The following COL5A1 variants were observed in gnomAD, a reference collection of about 807,000 sequenced individuals.
COL5A1 encodes collagen alpha-1(V) chain.
COL5A1 carries 16 observed loss-of-function variants against 263.7 expected under a neutral mutation model. That is an observed-to-expected ratio of 0.06 (90% CI 0.04 to 0.09). The LOEUF (loss-of-function observed/expected upper bound fraction) is 0.09. Among genes scored for constraint, COL5A1 ranks in the 10% least tolerant of loss-of-function variants. The pLI, the probability that COL5A1 is intolerant of heterozygous loss-of-function variation, is 1.00. For synonymous variants in COL5A1, 1,012 were observed against 1,004.5 expected, an observed-to-expected ratio of 1.01 and a Z score of -0.14; for missense variants, 2,036 against 2,540.5, an observed-to-expected ratio of 0.80 and a Z score of 4.27.
intron 47 of COL5A1, 46 bp downstream of exon 47, chr9:134,812,548 T>C (rs757754428): frequency 6.2e-6 from 10 of 1,612,674 alleles, no homozygotes; most frequent in Middle Eastern, 1.6e-4. Context: ...TAGCGGCTCA[T>C]GTTTTGGGGA....
intron 4 of COL5A1, among the ~76,000 whole-genome samples, chr9:134,709,569 G>C (rs7852238): frequency 0.72 from 110,225 of 152,128 alleles, 40,191 homozygotes; most frequent in Admixed American, 0.8. Flanking sequence ...CTGGTGATCT[G>C]TGTGGCACCC....
chr9:134,714,086 T>G (rs1318958556), intron 4 of COL5A1, among the ~76,000 whole-genome samples: 5 of 152,158 alleles, frequency 3.3e-5, no homozygotes, highest in Non-Finnish European at 7.3e-5. Flanking sequence ...GAGACCCAGA[T>G]TTTTTTCATC....
chr9:134,789,140 T>C lies in COL5A1; in HGVS notation c.2647-15T>C, dbSNP rs199795504. 1.9e-6 allele frequency: 3 copies of C among 1,612,566 alleles called. No homozygotes were observed. Among genetic ancestry groups the C allele is most frequent in the Admixed American group, 3.3e-5 (2 of 59,998 alleles). On this transcript the variant is annotated splice_polypyrimidine_tract_variant and intron_variant, in intron 31 of 65. Coordinates refer to ENST00000371817, the MANE Select transcript of COL5A1 (RefSeq NM_000093.5). This position sits in a 1 kb window ranked among gnomAD's most constrained non-coding sequence, Gnocchi z 4.8. Reference sequence around the variant, plus strand: ...TGGCCCAGCTCTGATGCCTCCTCCTTAAACTCTCTTTCAGGGCTCTATTGG... The same window carrying C: ...TGGCCCAGCTCTGATGCCTCCTCCTCAAACTCTCTTTCAGGGCTCTATTGG...
At chr9:134,831,512 A>T (rs1445601274) in intron 64 of COL5A1, among the ~76,000 whole-genome samples, 2 of 152,170 alleles carry the variant, frequency 1.3e-5, no homozygotes, top group African/African-American at 4.8e-5. Context: ...GCCCGGGACC[A>T]GGGCTGCTTG....
Position 134,750,777 on chromosome 9 carries a change from C to G in COL5A1, c.1570-13C>G. ...TCACTGCTCCCAGAGTGACCCTTGT[C>G]TTACACTTGCAGTTCCGGTTTGGAG... On this transcript the variant is annotated splice_polypyrimidine_tract_variant and intron_variant, in intron 12 of 65. Coordinates refer to ENST00000371817, the MANE Select transcript of COL5A1 (RefSeq NM_000093.5). 6 of 1,613,222 alleles carry G rather than the reference C, an allele frequency of 3.7e-6. No individual in the cohort carries two copies. Among genetic ancestry groups the G allele is most frequent in the Non-Finnish European group, 5.1e-6 (6 of 1,179,910 alleles).
intron 4 of COL5A1, among the ~76,000 whole-genome samples, chr9:134,706,069 TC>T (rs1389676998): frequency 2.6e-5 from 4 of 152,242 alleles, no homozygotes; most frequent in South Asian, 2.1e-4. Context: ...TGGCAGGAGA[TC>T]CCCCTGGCAT....
At chr9:134,761,596 C>G (rs962030287) in intron 18 of COL5A1, among the ~76,000 whole-genome samples, 3 of 152,188 alleles carry the variant, frequency 2.0e-5, no homozygotes, top group African/African-American at 7.2e-5. Context: ...GCTGCTTCAC[C>G]TGGAGCACTT....
chr9:134,831,499 A>AG (rs1180264333), intron 64 of COL5A1, among the ~76,000 whole-genome samples: 1 of 152,118 alleles, frequency 6.6e-6, no homozygotes. Context: ...GGGGACAGGG[A>AG]GGGCCCGGGA....
At chr9:134,766,214 G>T (rs1265615828) in intron 21 of COL5A1, among the ~76,000 whole-genome samples, 4 of 152,176 alleles carry the variant, frequency 2.6e-5, no homozygotes, top group African/African-American at 9.7e-5. Flanking sequence ...CCTGAGGCCT[G>T]CCCCGTGGAA....
intron 9 of COL5A1, among the ~76,000 whole-genome samples, chr9:134,737,487 C>T (rs1001845850): frequency 2.0e-5 from 3 of 152,194 alleles, no homozygotes; most frequent in African/African-American, 4.8e-5. Flanking sequence ...CTGGCTGCCT[C>T]GGGGTCATTC....
intron 18 of COL5A1, among the ~76,000 whole-genome samples, chr9:134,759,781 ACACACATGCACACACAC>A (rs1836217475): frequency 9.4e-6 from 1 of 106,172 alleles, no homozygotes; most frequent in African/African-American, 3.5e-5. Flanking sequence ...CCACACTCAT[ACACACATGCACACACAC>A]CACACATGCA....
intron 11 of COL5A1, among the ~76,000 whole-genome samples, chr9:134,744,295 C>A (rs1358795273): frequency 6.6e-6 from 1 of 151,778 alleles, no homozygotes; most frequent in East Asian, 1.9e-4. Flanking sequence ...GCACACTCAC[C>A]CACACATGCA....
chr9:134,829,217 G>T (rs1839466186), intron 63 of COL5A1, among the ~76,000 whole-genome samples: 1 of 152,238 alleles, frequency 6.6e-6, no homozygotes, highest in Admixed American at 6.5e-5. Context: ...TGCAAAACGA[G>T]AGGCAGAGCG....
chr9:134,830,210 C>T (rs1839549774), intron 64 of COL5A1, 166 bp downstream of exon 64: 4 of 1,588,206 alleles, frequency 2.5e-6, no homozygotes, highest in Non-Finnish European at 3.4e-6. Flanking sequence ...CACCTCGGCA[C>T]TGCCTGCTTG....
Position 134,681,368 on chromosome 9 carries a change from C to T in COL5A1, c.110-9544C>T, listed in dbSNP as rs553933976. Among the ~76,000 whole-genome samples the T allele has an allele frequency of 3.6e-4, 55 of 152,374 alleles. No homozygotes were observed. The highest frequency in any genetic ancestry group is 1.3e-3 in the African/African-American group (52 of 41,598). Reference sequence around the variant, plus strand: ...TTGATGGCTTCGTGAACAATTTCTGCGAGCATCTGCGGGTGCCGGGCTGTG... The same window carrying T: ...TTGATGGCTTCGTGAACAATTTCTGTGAGCATCTGCGGGTGCCGGGCTGTG... On this transcript the variant is annotated intron_variant, in intron 1 of 65. Transcript: ENST00000371817. The surrounding 1 kb of genome is among the most constrained non-coding windows in gnomAD (Gnocchi z 4.3).
intron 30 of COL5A1, among the ~76,000 whole-genome samples, chr9:134,785,508 C>T (rs1212651339): frequency 6.6e-6 from 1 of 152,204 alleles, no homozygotes; most frequent in African/African-American, 2.4e-5. Flanking sequence ...AGGCTCTGGG[C>T]ATGCAGCCAT....
intron 1 of COL5A1, among the ~76,000 whole-genome samples, chr9:134,684,332 C>CG (rs907851323): frequency 1.4e-3 from 220 of 152,284 alleles, no homozygotes; most frequent in African/African-American, 5.0e-3. Context: ...CCCCAGGTCT[C>CG]GGGGGGAAAC....
intron 37 of COL5A1, among the ~76,000 whole-genome samples, chr9:134,799,394 C>T (rs571250024): frequency 3.9e-5 from 6 of 152,340 alleles, no homozygotes; most frequent in South Asian, 2.1e-4. Flanking sequence ...GTGACTTCCT[C>T]GTCACCACGC....
intron 42 of COL5A1, among the ~76,000 whole-genome samples, chr9:134,808,793 G>A (rs1319430506): frequency 6.6e-6 from 1 of 152,240 alleles, no homozygotes; most frequent in Non-Finnish European, 1.5e-5. Flanking sequence ...GCTGGTGAAA[G>A]CTGGAGCTCA....
Sources: gnomAD v4.1 joint callset for allele counts (sites outside exome capture counted in the v4.1 genomes callset) on GRCh38, gnomAD v4.1.1 for gene constraint, Gnocchi (gnomAD v3.1) non-coding constraint, MANE v1.5 for transcripts, NCBI Gene and HGNC (gene_info 2026-07-23, HGNC 2026-07-21) for gene names.